The following ATP13A2 variants were observed in gnomAD, a reference collection of about 807,000 sequenced individuals.
ATP13A2 encodes the protein polyamine-transporting ATPase 13A2.
A neutral mutation model predicts 138.3 loss-of-function variants in ATP13A2; 83 were observed. The ratio of observed to expected loss-of-function variants is 0.60; its 90% confidence interval spans 0.50 to 0.72. The LOEUF (loss-of-function observed/expected upper bound fraction) is 0.72. ATP13A2 is among the 30% of genes least tolerant of loss of function. The probability of loss-of-function intolerance (pLI) is 0.00; values close to 1 mark genes in which losing one functional copy is unlikely to be tolerated. For synonymous variants in ATP13A2, 663 were observed against 699.0 expected (o/e 0.95, Z 0.81); for missense variants, 1,402 against 1,606.4 (o/e 0.87, Z 2.17).
At chr1:17,003,610 C>CACACACAT (rs2077443094) in intron 6 of ATP13A2, among the ~76,000 whole-genome samples, 1 of 151,240 alleles carries the variant, frequency 6.6e-6, no homozygotes, top group Non-Finnish European at 1.5e-5. Context: ...CACACACACA[C>CACACACAT]ACACACACAC....
At chr1:16,997,880 G>A (rs79067506) in intron 11 of ATP13A2, among the ~76,000 whole-genome samples, 90 of 144,016 alleles carry the variant, frequency 6.2e-4, no homozygotes, top group African/African-American at 2.2e-3. Context: ...TAAGGAAGGG[G>A]AGGGGGAAGG....
rs1196469770 is a variant in ATP13A2 at position 16,995,008 on chromosome 1, T to C, written c.1542+968A>G. Among the ~76,000 whole-genome samples the C allele has an allele frequency of 3.3e-5, 5 of 152,182 alleles. No individual in the cohort carries two copies. The highest frequency in any genetic ancestry group is 3.3e-4 in the Admixed American group (5 of 15,278). ...TCTGTGGCCCCCGACAGCCTCTGAA[T>C]GTCACCTAGCCTCTGTCAACCAGGC... On this transcript the variant is annotated intron_variant, in intron 15 of 28. Coordinates refer to ENST00000326735, the MANE Select transcript of ATP13A2 (RefSeq NM_022089.4). This position sits in a 1 kb window ranked among gnomAD's most constrained non-coding sequence, Gnocchi z 4.1.
At chr1:16,987,483 T>G (rs1187444568) in intron 25 of ATP13A2, among the ~76,000 whole-genome samples, 11 of 152,230 alleles carry the variant, frequency 7.2e-5, no homozygotes, top group African/African-American at 2.7e-4. Flanking sequence ...GCACCTGTGC[T>G]GACCTTGGGG....
At position 17,000,502 on chromosome 1, in the gene ATP13A2, G is replaced by GA; in HGVS notation, c.737dup (p.Ser247GlnfsTer8). ...GGTCAGCCAGCCACAGCGCGATGCT[G>GA]AAGGCCTGGAACCCATAGTAGGGGT... is the stretch of plus-strand genomic sequence containing the variant. On this transcript the variant is annotated frameshift_variant, in exon 9 of 29. Coordinates refer to ENST00000326735, the MANE Select transcript of ATP13A2 (RefSeq NM_022089.4). LOFTEE classifies it high-confidence loss of function. 1 of 1,614,094 alleles carries GA rather than the reference G, an allele frequency of 6.2e-7. No individual in the cohort carries two copies. The highest frequency in any genetic ancestry group is 8.5e-7 in the Non-Finnish European group (1 of 1,179,984).
intron 10 of ATP13A2, 52 bp from the exon 11 acceptor site, chr1:17,000,194 G>GCCCC: frequency 1.9e-6 from 3 of 1,570,252 alleles, no homozygotes; most frequent in Non-Finnish European, 1.7e-6. Context: ...CCCCAGCCAT[G>GCCCC]CCCCCCCACC....
chr1:17,010,048 A>T (rs150003107), intron 1 of ATP13A2, among the ~76,000 whole-genome samples: 88 of 152,156 alleles, frequency 5.8e-4, no homozygotes, highest in Middle Eastern at 6.8e-3. Context: ...GAGCACCTTC[A>T]TGATGGCATT....
intron 23 of ATP13A2, 26 bp downstream of exon 23, chr1:16,989,665 G>GC (rs1443974300): frequency 6.2e-7 from 1 of 1,612,296 alleles, no homozygotes; most frequent in East Asian, 2.2e-5. Context: ...GCAGGCCCTT[G>GC]CCCACACCCT....
intron 12 of ATP13A2, 115 bp downstream of exon 12, chr1:16,996,905 C>T: frequency 7.5e-7 from 1 of 1,329,102 alleles, no homozygotes; most frequent in Non-Finnish European, 1.0e-6. Flanking sequence ...CACAGCAGGG[C>T]AGCAGCAGAG....
Position 17,004,316 on chromosome 1 carries a change from A to C in ATP13A2, c.557+16T>G, listed in dbSNP as rs755640764. The C allele has an allele frequency of 6.2e-7, 1 of 1,612,260 alleles. No individual in the cohort carries two copies. The highest frequency in any genetic ancestry group is 8.5e-7 in the Non-Finnish European group (1 of 1,179,142). ...CTCTGGGAGGTGACATGAGCCACAC[A>C]GGCCCTGACTCCTACCTGACCTGGT... On this transcript the variant is annotated intron_variant, in intron 6 of 28. Transcript: ENST00000326735. This position sits in a 1 kb window ranked among gnomAD's most constrained non-coding sequence, Gnocchi z 4.1.
Position 16,997,151 on chromosome 1 carries a change from G to A in ATP13A2, c.1064C>T (p.Thr355Met), listed in dbSNP as rs555691965. ...GGGCCCCAGCCCCTCCGGCAGTGCC[G>A]TCTTCAGCACTGGAATGCTCTCTCC... ...LTGESIPVLK[T>M]ALPEGLGPYC... Residue 355 changes from threonine to methionine, a missense_variant, in exon 12 of 29, where the codon ACG becomes ATG. Transcript: ENST00000326735. 29 of 1,613,634 alleles carry A rather than the reference G, an allele frequency of 1.8e-5. No individual in the cohort carries two copies. Among genetic ancestry groups the A allele is most frequent in the Middle Eastern group, 3.3e-4 (2 of 6,054 alleles).
rs143512623 is a variant in ATP13A2, at chr1:16,997,064, C to T, written c.1151G>A (p.Arg384Gln). 23 of 1,613,302 alleles carry T rather than the reference C, an allele frequency of 1.4e-5. No individual in the cohort carries two copies. Among genetic ancestry groups the T allele is most frequent in the East Asian group, 2.2e-5 (1 of 44,878 alleles). Reference protein sequence around the residue: ...LFCGTLILQARAYVGPHVLAV... With the variant: ...LFCGTLILQAQAYVGPHVLAV... ...CAGGACGTGCGGTCCCACATAGGCC[C>T]GGGCCTGCAAGATGAGGGTCCCGCA... Residue 384 changes from arginine (R) to glutamine (Q), a missense_variant, in exon 12 of 29, where the codon CGG becomes CAG. Physicochemically the swap from Arg to Gln is conservative, Grantham distance 43. Coordinates refer to ENST00000326735, the MANE Select transcript of ATP13A2 (RefSeq NM_022089.4).
At position 16,995,848 on chromosome 1, in the gene ATP13A2, G is replaced by T. The variant is rs1246189317; in HGVS notation, c.1542+128C>A. On this transcript the variant is annotated intron_variant, in intron 15 of 28. Transcript: ENST00000326735. The surrounding 1 kb of genome is among the most constrained non-coding windows in gnomAD (Gnocchi z 4.1). ...AGTGGGATGGGGTGGATCCTCTGGGGGTTTCCATCCCTAGACAGGACCTGG... is the reference window on the plus strand; with the variant it reads ...AGTGGGATGGGGTGGATCCTCTGGGTGTTTCCATCCCTAGACAGGACCTGG... 4 of 1,154,864 alleles carry T rather than the reference G, an allele frequency of 3.5e-6. No individual in the cohort carries two copies. The highest frequency in any genetic ancestry group is 5.0e-6 in the Non-Finnish European group (4 of 795,844). 71.5% of individuals were successfully genotyped at this position (1,154,864 alleles called of 1,614,324 possible). A position where few individuals can be genotyped will look rare whatever the true frequency, so the allele number is the denominator to read the frequency against.
At chr1:17,003,920 C>T (rs766735019) in intron 6 of ATP13A2, among the ~76,000 whole-genome samples, 43 of 152,062 alleles carry the variant, frequency 2.8e-4, no homozygotes, top group Non-Finnish European at 5.6e-4. Flanking sequence ...TCTTGGCTTC[C>T]CAAAGTGCTG....
At chr1:17,007,575 C>G (rs1182785566) in intron 1 of ATP13A2, among the ~76,000 whole-genome samples, 1 of 128,118 alleles carries the variant, frequency 7.8e-6, no homozygotes, top group East Asian at 2.2e-4. Context: ...TTTTTGAGAG[C>G]GAGTCTCGCT....
rs749023724 is a variant in ATP13A2, at chr1:16,985,985, C to T, written c.*236G>A. The T allele has an allele frequency of 2.5e-5, 36 of 1,446,378 alleles. No individual in the cohort carries two copies. Among genetic ancestry groups the T allele is most frequent in the Admixed American group, 5.9e-5 (2 of 34,058 alleles). The allele number at this position is 1,446,378 out of a possible 1,614,324, so 89.6% of individuals were successfully genotyped here. The stretch of plus-strand genomic sequence containing the variant: ...CAGGAAAATATCATGACTTTATTTG[C>T]TACACTGACAGCAGCACTGAGGGGA... On this transcript the variant is annotated 3_prime_UTR_variant, in exon 29 of 29. Transcript: ENST00000326735.
Position 16,991,776 on chromosome 1 carries a change from G to A in ATP13A2, c.2209C>T (p.Gln737Ter). The change falls in exon 20 of 29, where the codon CAG becomes TAG. Residue 737 changes from glutamine to a stop codon, truncating the protein, a stop_gained. Transcript: ENST00000326735. LOFTEE classifies it high-confidence loss of function. ...CGGATGCGGGTCCTTCGCAGAGCCTGGATAACTGGCGTTGTCTGCGGCTTC... is the reference window on the plus strand; with the variant it reads ...CGGATGCGGGTCCTTCGCAGAGCCTAGATAACTGGCGTTGTCTGCGGCTTC... The part of the protein sequence containing the change: ...LLKPQTTPVI[Q>*]ALRRTRIRAV... The A allele has an allele frequency of 6.2e-7, 1 of 1,614,180 alleles. No individual in the cohort carries two copies. Among genetic ancestry groups the A allele is most frequent in the Non-Finnish European group, 8.5e-7 (1 of 1,180,046 alleles).
At position 17,002,030 on chromosome 1, in the gene ATP13A2, C is replaced by T. The variant is rs1307924614; in HGVS notation, c.705+4G>A. Reference sequence around the variant, plus strand: ...GCTGGGGCAAGACCCAGGGACAGCCCTACCTCGTCCACCAGCAGCTGGGGG... The same window carrying T: ...GCTGGGGCAAGACCCAGGGACAGCCTTACCTCGTCCACCAGCAGCTGGGGG... On this transcript the variant is annotated splice_donor_region_variant and intron_variant, in intron 8 of 28. Transcript: ENST00000326735. 1.2e-6 allele frequency: 2 copies of T among 1,610,438 alleles called. No homozygotes were observed. The highest frequency in any genetic ancestry group is 2.7e-5 in the African/African-American group (2 of 75,022).
intron 1 of ATP13A2, among the ~76,000 whole-genome samples, chr1:17,007,831 G>A (rs533224315): frequency 3.3e-5 from 5 of 152,084 alleles, no homozygotes; most frequent in South Asian, 2.1e-4. Context: ...GATTACAGGC[G>A]TGAGCCACAG....
rs529291565 is a variant in ATP13A2, at chr1:17,004,124, A to G, written c.557+208T>C. Among the ~76,000 whole-genome samples, 8 of 152,280 alleles carry G rather than the reference A, an allele frequency of 5.3e-5. No homozygotes were observed. The South Asian group carries it at 1.5e-3, about 28-fold the overall frequency. On this transcript the variant is annotated intron_variant, in intron 6 of 28. Coordinates refer to ENST00000326735, the MANE Select transcript of ATP13A2 (RefSeq NM_022089.4). The surrounding 1 kb of genome is among the most constrained non-coding windows in gnomAD (Gnocchi z 4.1). ...TAAATTATTATCTATTTCACCATCAAAACAATCCTAGGAGGCAGAAGTTAT... is the reference window on the plus strand; with the variant it reads ...TAAATTATTATCTATTTCACCATCAGAACAATCCTAGGAGGCAGAAGTTAT...
Sources: allele counts gnomAD v4.1 joint callset (sites outside exome capture counted in the v4.1 genomes callset), GRCh38; gene constraint gnomAD v4.1.1; non-coding constraint Gnocchi (gnomAD v3.1); transcripts MANE v1.5; gene names NCBI Gene and HGNC (gene_info 2026-07-23, HGNC 2026-07-21).